Variants in RSPO1 observed in about 807,000 individuals in gnomAD.
RSPO1 encodes R-spondin 1.
A neutral mutation model predicts 26.0 loss-of-function variants in RSPO1; 18 were observed. The observed-to-expected ratio is 0.69, with a 90% CI of 0.48 to 1.03. The LOEUF (loss-of-function observed/expected upper bound fraction) is 1.03. Ranked by LOEUF, RSPO1 falls within the 50% of genes least tolerant of loss-of-function variation. RSPO1 has a pLI of 0.00. For synonymous variants in RSPO1, 133 were observed against 137.4 expected (o/e 0.97, Z 0.22); for missense variants, 309 against 352.3 (o/e 0.88, Z 0.98).
intron 3 of RSPO1, among the ~76,000 whole-genome samples, chr1:37,622,083 G>A (rs1336662737): frequency 2.6e-5 from 4 of 152,230 alleles, no homozygotes; most frequent in East Asian, 1.9e-4. Context: ...AGAGAAGGAC[G>A]GAAAAGTCTT....
Position 37,614,177 on chromosome 1 carries a change from G to A in RSPO1, c.436+7C>T, listed in dbSNP as rs762324669. 6.2e-7 allele frequency: 1 copy of A among 1,612,084 alleles called. No homozygotes were observed. Among genetic ancestry groups the A allele is most frequent in the African/African-American group, 1.3e-5 (1 of 74,862 alleles). ...ACCCTCTGCCCACAGTGCCTGCCAT[G>A]GCTTACCAGGACTACTGCACTCCAT... is the stretch of plus-strand genomic sequence containing the variant. On this transcript the variant is annotated splice_region_variant and intron_variant, in intron 5 of 6. Transcript: ENST00000356545.
chr1:37,620,705 T>A (rs1019906435), intron 3 of RSPO1, among the ~76,000 whole-genome samples: 1 of 151,844 alleles, frequency 6.6e-6, no homozygotes, highest in East Asian at 1.9e-4. Flanking sequence ...GGTATAATCA[T>A]TGTATGAGCA....
At chr1:37,616,809 C>A in intron 3 of RSPO1, 134 bp from the exon 4 acceptor site, 1 of 854,290 alleles carries the variant, frequency 1.2e-6, no homozygotes. Flanking sequence ...AAGCACCGGC[C>A]AGGCTGGCAG....
Position 37,612,770 on chromosome 1 carries a change from A to C in RSPO1, c.777T>G (p.Ser259=), listed in dbSNP as rs1471077254. Residue 259 remains serine (S), a synonymous_variant, in exon 7 of 7, where the codon TCT becomes TCG. Coordinates refer to ENST00000356545, the MANE Select transcript of RSPO1 (RefSeq NM_001242908.2). ...GACAGTGTCCCTAGGCAGGCCCTGC[A>C]GATGTGAGTGGCCCCACTGTCCCTT... ...QQQGTVGPLT[S]AGPA is the part of the protein sequence containing the mutation. The C allele has an allele frequency of 6.2e-7, 1 of 1,611,508 alleles. No homozygotes were observed. The highest frequency in any genetic ancestry group is 1.1e-5 in the South Asian group (1 of 91,086).
At position 37,611,392 on chromosome 1, in the gene RSPO1, T is replaced by C. The variant is rs1644023316; in HGVS notation, c.*1363A>G. ...TATTTTTATTCTGCTTTATTCACTT[T>C]CATAGCTAAGCATAGATGCCAGTGG... On this transcript the variant is annotated 3_prime_UTR_variant, in exon 7 of 7. Coordinates refer to ENST00000356545, the MANE Select transcript of RSPO1 (RefSeq NM_001242908.2). The C allele has an allele frequency of 6.6e-6, 1 of 152,212 alleles. No homozygotes were observed. Among genetic ancestry groups the C allele is most frequent in the East Asian group, 1.9e-4 (1 of 5,188 alleles). 9.4% of individuals were successfully genotyped at this position (152,212 alleles called of 1,614,324 possible).
In RSPO1 at chr1:37,616,510, C is replaced by T. The variant is rs557800298; in HGVS notation, c.260G>A (p.Arg87His). The part of the protein sequence containing the change: ...PSCPPGYFDA[R>H]NPDMNKCIKC... ...GATGCACTTGTTCATGTCGGGGTTG[C>T]GGGCGTCGAAGTATCCAGGTGGGCA... The change falls in exon 4 of 7, where the codon CGC becomes CAC. Residue 87 changes from arginine (R) to histidine (H), a missense_variant. Transcript: ENST00000356545. 6 of 1,613,998 alleles carry T rather than the reference C, an allele frequency of 3.7e-6. No homozygotes were observed. The highest frequency in any genetic ancestry group is 1.1e-5 in the South Asian group (1 of 91,094).
intron 1 of RSPO1, among the ~76,000 whole-genome samples, chr1:37,632,779 T>C (rs1470951311): frequency 2.0e-5 from 3 of 152,216 alleles, no homozygotes; most frequent in African/African-American, 4.8e-5. Flanking sequence ...ATCTAGTCCC[T>C]GACCCCATAT....
At position 37,634,223 on chromosome 1, in the gene RSPO1, C is replaced by A. The variant is rs1644404037; in HGVS notation, c.-356+343G>T. On this transcript the variant is annotated intron_variant, in intron 1 of 6. Coordinates refer to ENST00000356545, the MANE Select transcript of RSPO1 (RefSeq NM_001242908.2). The surrounding 1 kb of genome is among the most constrained non-coding windows in gnomAD (Gnocchi z 4.7). Reference sequence around the variant, plus strand: ...AATCCGAGCCAATGAGCCCCAGGATCAAGAACTTCTGGATTGGAGGCGGGG... The same window carrying A: ...AATCCGAGCCAATGAGCCCCAGGATAAAGAACTTCTGGATTGGAGGCGGGG... Among the ~76,000 whole-genome samples the A allele has an allele frequency of 6.6e-6, 1 of 152,166 alleles. No homozygotes were observed. The highest frequency in any genetic ancestry group is 1.5e-5 in the Non-Finnish European group (1 of 68,036).
In RSPO1 at chr1:37,629,712, G is replaced by A. The variant is rs1194383684; in HGVS notation, c.-51C>T. 1.2e-6 allele frequency: 2 copies of A among 1,607,690 alleles called. No individual in the cohort carries two copies. The highest frequency in any genetic ancestry group is 1.7e-6 in the Non-Finnish European group (2 of 1,177,202). ...GGTCGGAGGGGTGGTCTCGGGGAGGGTGGATAGCACACGGCTCTTGCTAAC... is the reference window on the plus strand; with the variant it reads ...GGTCGGAGGGGTGGTCTCGGGGAGGATGGATAGCACACGGCTCTTGCTAAC... On this transcript the variant is annotated 5_prime_UTR_variant, in exon 3 of 7. Coordinates refer to ENST00000356545, the MANE Select transcript of RSPO1 (RefSeq NM_001242908.2).
In RSPO1 at chr1:37,612,518, G is replaced by GTGTGTA; in HGVS notation, c.*236_*237insTACACA. 1.7e-6 allele frequency: 1 copy of GTGTGTA among 594,688 alleles called. No homozygotes were observed. Among genetic ancestry groups the GTGTGTA allele is most frequent in the Non-Finnish European group, 3.0e-6 (1 of 328,310 alleles). The allele number at this position is 594,688 out of a possible 1,614,324, so 36.8% of individuals were successfully genotyped here. A position where few individuals can be genotyped will look rare whatever the true frequency, so the allele number is the denominator to read the frequency against. Reference sequence around the variant, plus strand: ...GCCTCAGGTGTGTGTGTGTGTGTGTGTGTATGTGTGTGTGTGGTGTCTGTG... The same window carrying GTGTGTA: ...GCCTCAGGTGTGTGTGTGTGTGTGTGTGTGTATGTATGTGTGTGTGTGGTGTCTGTG... On this transcript the variant is annotated 3_prime_UTR_variant, in exon 7 of 7. Coordinates refer to ENST00000356545, the MANE Select transcript of RSPO1 (RefSeq NM_001242908.2).
At position 37,612,876 on chromosome 1, in the gene RSPO1, T is replaced by C. The variant is rs1040571358; in HGVS notation, c.671A>G (p.Asn224Ser). The C allele has an allele frequency of 3.3e-5, 53 of 1,614,106 alleles. 1 individual carries two copies. The East Asian group carries it at 1.1e-3, about 35-fold the overall frequency. Residue 224 changes from asparagine (N) to serine (S), a missense_variant, in exon 7 of 7, where the codon AAC becomes AGC. By Grantham distance (46) the Asn-to-Ser change is conservative (BLOSUM62 1). Transcript: ENST00000356545. ...KGGQGRRENANRNLARKESKE... is the reference protein window; with the variant it reads ...KGGQGRRENASRNLARKESKE... ...GCTCTCCTTCCTGGCCAGGTTCCTG[T>C]TGGCATTCTCCCGCCGGCCCTGGCC...
Position 37,629,719 on chromosome 1 carries a change from G to A in RSPO1, c.-58C>T, listed in dbSNP as rs373720783. 2 of 1,602,126 alleles carry A rather than the reference G, an allele frequency of 1.2e-6. No homozygotes were observed. The highest frequency in any genetic ancestry group is 2.2e-5 in the South Asian group (2 of 89,530). On this transcript the variant is annotated 5_prime_UTR_variant, in exon 3 of 7. Transcript: ENST00000356545. Reference sequence around the variant, plus strand: ...GGGGTGGTCTCGGGGAGGGTGGATAGCACACGGCTCTTGCTAACACCTCTG... The same window carrying A: ...GGGGTGGTCTCGGGGAGGGTGGATAACACACGGCTCTTGCTAACACCTCTG...
intron 4 of RSPO1, 55 bp from the exon 5 acceptor site, chr1:37,614,388 C>T (rs1252314910): frequency 1.9e-6 from 3 of 1,605,496 alleles, no homozygotes; most frequent in Non-Finnish European, 2.6e-6. Context: ...AATGTTTCCC[C>T]TCATCCCCAG....
chr1:37,620,799 C>A (rs1056781266), intron 3 of RSPO1, among the ~76,000 whole-genome samples: 2 of 152,084 alleles, frequency 1.3e-5, no homozygotes, highest in Non-Finnish European at 2.9e-5. Context: ...AGCTGTGTTA[C>A]AAATTCACGA....
rs367943248 is a variant in RSPO1, at chr1:37,616,540, G to A, written c.230C>T (p.Pro77Leu). 6.9e-5 allele frequency: 111 copies of A among 1,614,182 alleles called. No homozygotes were observed. Among genetic ancestry groups the A allele is most frequent in the East Asian group, 2.2e-4 (10 of 44,874 alleles). Residue 77 changes from proline (P) to leucine (L), a missense_variant, in exon 4 of 7, where the codon CCG (proline) becomes CTG (leucine). Pro to Leu is a moderately conservative substitution (Grantham distance 98). Transcript: ENST00000356545. ...GTCGAAGTATCCAGGTGGGCAGGAC[G>A]GCAAGCAGACGCCCACCTGGCGGAT... ...NDIRQVGVCL[P>L]SCPPGYFDAR...
chr1:37,616,352 T>G, intron 4 of RSPO1, 132 bp downstream of exon 4: 1 of 783,584 alleles, frequency 1.3e-6, no homozygotes, highest in East Asian at 2.7e-5. Context: ...GCTGGATACT[T>G]GAATCGGAGC....
intron 3 of RSPO1, among the ~76,000 whole-genome samples, chr1:37,621,566 G>A (rs1032233642): frequency 2.0e-5 from 3 of 152,084 alleles, no homozygotes; most frequent in Admixed American, 6.5e-5. Context: ...CTGGGCTTGT[G>A]TAACAGCCCT....
chr1:37,614,669 G>A (rs1170352098), intron 4 of RSPO1, among the ~76,000 whole-genome samples: 1 of 152,194 alleles, frequency 6.6e-6, no homozygotes, highest in Non-Finnish European at 1.5e-5. Context: ...GGCCGTCTGG[G>A]CCTGGTGGGG....
intron 1 of RSPO1, among the ~76,000 whole-genome samples, chr1:37,633,746 GC>G (rs892107857): frequency 6.6e-5 from 10 of 152,034 alleles, no homozygotes; most frequent in African/African-American, 2.2e-4. Flanking sequence ...CTGGGGCCGT[GC>G]CCCCCCTCCA....
Sources: gnomAD v4.1 joint callset for allele counts (sites outside exome capture counted in the v4.1 genomes callset) on GRCh38, gnomAD v4.1.1 for gene constraint, Gnocchi (gnomAD v3.1) non-coding constraint, MANE v1.5 for transcripts, NCBI Gene and HGNC (gene_info 2026-07-23, HGNC 2026-07-21) for gene names.